CYP2J2: variants seen among roughly 807,000 people sequenced by gnomAD.
The protein encoded by CYP2J2 is cytochrome P450 2J2.
CYP2J2 carries 41 observed loss-of-function variants against 48.8 expected under a neutral mutation model. That is an observed-to-expected ratio of 0.84 (90% CI 0.66 to 1.09). CYP2J2 has a LOEUF of 1.09. Ranked by LOEUF, CYP2J2 falls within the 50% of genes least tolerant of loss-of-function variation. CYP2J2 has a pLI of 0.00. For missense variants in CYP2J2, 644 were observed against 617.3 expected, an observed-to-expected ratio of 1.04 and a Z score of -0.46; for synonymous variants, 221 against 227.1, an observed-to-expected ratio of 0.97 and a Z score of 0.24.
At chr1:59,948,602 T>A in the CYP2J2 span, among the ~76,000 whole-genome samples, 2 of 152,214 alleles carry the variant, frequency 1.3e-5, no homozygotes, top group African/African-American at 4.8e-5. Flanking sequence ...CAATTACTTT[T>A]GCACCAACCT....
the CYP2J2 span, among the ~76,000 whole-genome samples, chr1:59,949,586 C>T: frequency 2.0e-5 from 3 of 152,182 alleles, no homozygotes; most frequent in East Asian, 1.9e-4. Flanking sequence ...AGTCTGCAGG[C>T]TAATTCCATA....
At chr1:59,900,783 G>A (rs979450109) in intron 8 of CYP2J2, among the ~76,000 whole-genome samples, 182 bp downstream of exon 8, 51 of 152,182 alleles carry the variant, frequency 3.4e-4, no homozygotes, top group African/African-American at 1.2e-3. Flanking sequence ...GGAAGTAAGG[G>A]CAGGCTGAAG....
At chr1:59,935,836 C>T in the CYP2J2 span, among the ~76,000 whole-genome samples, 2 of 152,182 alleles carry the variant, frequency 1.3e-5, no homozygotes, top group African/African-American at 2.4e-5. Context: ...TGCAATGGCA[C>T]GATCTTGGCT....
At chr1:59,950,800 C>T in the CYP2J2 span, among the ~76,000 whole-genome samples, 2 of 152,188 alleles carry the variant, frequency 1.3e-5, no homozygotes, top group Non-Finnish European at 2.9e-5. Flanking sequence ...TTGATGCTGG[C>T]TGTCTGCTGG....
the CYP2J2 span, among the ~76,000 whole-genome samples, chr1:59,935,092 C>A: frequency 3.9e-5 from 5 of 129,812 alleles, no homozygotes; most frequent in African/African-American, 1.1e-4. Context: ...AGGAGGACAT[C>A]CTGCCATTTT....
the CYP2J2 span, among the ~76,000 whole-genome samples, chr1:59,935,019 T>TATATATATATAC: frequency 2.4e-5 from 1 of 41,934 alleles, no homozygotes; most frequent in Admixed American, 2.4e-4. Context: ...TATATACATA[T>TATATATATATAC]ATATATATAT....
At chr1:59,926,818 G>A (rs1050098403), upstream of CYP2J2, 20 of 1,405,146 alleles carry the variant, frequency 1.4e-5, no homozygotes, top group Non-Finnish European at 1.9e-5. Flanking sequence ...TCCCCGCCCC[G>A]CCTCGCTCCC....
the CYP2J2 span, among the ~76,000 whole-genome samples, chr1:59,936,737 G>T: frequency 6.6e-6 from 1 of 152,184 alleles, no homozygotes; most frequent in African/African-American, 2.4e-5. Context: ...TCAAGGGCCA[G>T]GTCAAAGGCT....
intron 6 of CYP2J2, among the ~76,000 whole-genome samples, chr1:59,907,144 C>A (rs1216004332): frequency 2.6e-5 from 4 of 152,146 alleles, no homozygotes; most frequent in Non-Finnish European, 4.4e-5. Context: ...ATTACATCAT[C>A]TCTGGAGGGA....
chr1:59,932,043 T>A, the CYP2J2 span, among the ~76,000 whole-genome samples: 1 of 152,154 alleles, frequency 6.6e-6, no homozygotes, highest in African/African-American at 2.4e-5. Flanking sequence ...TACTAAGTAG[T>A]AACTTGGTCA....
chr1:59,960,779 G>T, the CYP2J2 span, among the ~76,000 whole-genome samples: 1 of 152,230 alleles, frequency 6.6e-6, no homozygotes, highest in African/African-American at 2.4e-5. Context: ...GGAGGCGGAG[G>T]TTGAAGTGAG....
chr1:59,920,165 G>T (rs1180839069), intron 1 of CYP2J2, among the ~76,000 whole-genome samples: 2 of 151,356 alleles, frequency 1.3e-5, no homozygotes, highest in Non-Finnish European at 2.9e-5. Flanking sequence ...AAGTCAGGAT[G>T]CCACCAAAAA....
chr1:59,909,734 C>G (rs767468056), intron 5 of CYP2J2, 50 bp downstream of exon 5: 2 of 1,402,646 alleles, frequency 1.4e-6, no homozygotes, highest in Non-Finnish European at 1.9e-6. Flanking sequence ...ACTAATATAC[C>G]TCTATTTGTG....
At chr1:59,949,931 C>T in the CYP2J2 span, among the ~76,000 whole-genome samples, 1 of 152,164 alleles carries the variant, frequency 6.6e-6, no homozygotes, top group African/African-American at 2.4e-5. Context: ...ATTCTGTTGG[C>T]ATTTTTGGAT....
At chr1:59,910,537 T>G (rs1402247937) in intron 4 of CYP2J2, among the ~76,000 whole-genome samples, 1 of 152,216 alleles carries the variant, frequency 6.6e-6, no homozygotes, top group African/African-American at 2.4e-5. Flanking sequence ...AAAGTCATTT[T>G]CTTAAACCAA....
the CYP2J2 span, among the ~76,000 whole-genome samples, chr1:59,932,794 A>G: frequency 6.6e-6 from 1 of 150,874 alleles, no homozygotes; most frequent in African/African-American, 2.4e-5. Context: ...TCTGCCTTCC[A>G]GGTTCAAGCA....
the CYP2J2 span, among the ~76,000 whole-genome samples, chr1:59,968,110 CAG>C: frequency 1.3e-5 from 2 of 152,124 alleles, no homozygotes; most frequent in Non-Finnish European, 2.9e-5. Context: ...TTAAAGGAGA[CAG>C]AGATAAATCT....
intron 1 of CYP2J2, among the ~76,000 whole-genome samples, chr1:59,926,192 T>C (rs910749398): frequency 6.6e-6 from 1 of 152,188 alleles, no homozygotes; most frequent in Non-Finnish European, 1.5e-5. Context: ...ATTTTATGTA[T>C]GGGAAATGAA....
At chr1:59,932,591 C>A in the CYP2J2 span, among the ~76,000 whole-genome samples, 3 of 151,692 alleles carry the variant, frequency 2.0e-5, no homozygotes, top group East Asian at 3.9e-4. Flanking sequence ...AAAAGAAGTT[C>A]TTTAGAAAGA....
Sources: gnomAD v4.1 joint callset for allele counts (sites outside exome capture counted in the v4.1 genomes callset) on GRCh38, gnomAD v4.1.1 for gene constraint, MANE v1.5 for transcripts, NCBI Gene and HGNC (gene_info 2026-07-23, HGNC 2026-07-21) for gene names.